Variants in GRIN1 observed in about 807,000 individuals in gnomAD.
GRIN1 encodes the protein glutamate ionotropic receptor NMDA type subunit 1, also known as glutamate receptor ionotropic, NMDA 1.
In GRIN1, 38 loss-of-function variants were observed where a neutral mutation model predicts 103.0. The ratio of observed to expected loss-of-function variants is 0.37; its 90% CI spans 0.28 to 0.48. GRIN1 has a LOEUF of 0.48. Among genes scored for constraint, GRIN1 ranks in the 20% least tolerant of loss-of-function variants. GRIN1 has a pLI of 0.98. For missense variants in GRIN1, 577 were observed against 1,288.9 expected (o/e 0.45, Z 8.46); for synonymous variants, 544 against 532.7 (o/e 1.02, Z -0.29).
chr9:137,153,746 A>G (rs4880217), intron 4 of GRIN1, among the ~76,000 whole-genome samples: 145,103 of 152,288 alleles, frequency 0.95, 69,197 homozygotes, highest in African/African-American at 0.98. Flanking sequence ...CTACATGCAC[A>G]CCATACCCCA....
At position 137,168,557 on chromosome 9, in the gene GRIN1, C is replaced by T. The variant is rs1351734324; in HGVS notation, c.*1030C>T. 2 of 272,326 alleles carry T rather than the reference C, an allele frequency of 7.3e-6. No individual in the cohort carries two copies. The highest frequency in any genetic ancestry group is 1.4e-5 in the Non-Finnish European group (2 of 146,898). The allele number at this position is 272,326 out of a possible 1,614,324, so 16.9% of individuals were successfully genotyped here. On this transcript the variant is annotated 3_prime_UTR_variant, in exon 20 of 20. Coordinates refer to ENST00000371561, the MANE Select transcript of GRIN1 (RefSeq NM_007327.4). ...TGGGCACGGGAGAGCGCCACCCGCC[C>T]GCCCCCGCCCTCGCTCCGGGTGCGT...
chr9:137,160,943 G>T, intron 8 of GRIN1, 113 bp from the exon 9 acceptor site: 1 of 1,343,570 alleles, frequency 7.4e-7, no homozygotes. Flanking sequence ...GGGGTGTGAG[G>T]GGTGCGTCGG....
intron 2 of GRIN1, among the ~76,000 whole-genome samples, chr9:137,144,382 C>T (rs28588536): frequency 0.13 from 18,802 of 149,722 alleles, 1,653 homozygotes; most frequent in African/African-American, 0.25. Flanking sequence ...TGGCCGGGCG[C>T]GGTGGCTCAC....
intron 4 of GRIN1, among the ~76,000 whole-genome samples, chr9:137,151,512 A>AGC (rs1832912227): frequency 6.7e-6 from 1 of 149,952 alleles, no homozygotes; most frequent in Non-Finnish European, 1.5e-5. Flanking sequence ...ACCCAGAGAA[A>AGC]TTCCCACTTA....
Position 137,146,220 on chromosome 9 carries a change from C to T in GRIN1, c.570+318C>T, listed in dbSNP as rs954839915. On this transcript the variant is annotated intron_variant, in intron 3 of 19. Transcript: ENST00000371561. The surrounding 1 kb of genome is among the most constrained non-coding windows in gnomAD (Gnocchi z 6.7). ...CCCCTCGCTCCCTGGAGGCCCCAGC[C>T]GGGCTTGGGACTCGTCACCCTTCCC... 1.6e-4 allele frequency among the ~76,000 whole-genome samples: 25 copies of T among 152,212 alleles called. No individual in the cohort carries two copies. Among genetic ancestry groups the T allele is most frequent in the Middle Eastern group, 3.4e-3 (1 of 294 alleles).
intron 8 of GRIN1, among the ~76,000 whole-genome samples, chr9:137,159,938 C>G (rs1833438921): frequency 6.6e-6 from 1 of 152,194 alleles, no homozygotes; most frequent in African/African-American, 2.4e-5. Flanking sequence ...TCTGCTCCAC[C>G]TGCCCTCAGG....
chr9:137,146,835 C>A lies in GRIN1; in HGVS notation c.570+933C>A, dbSNP rs1358030072. ...CGGACTTAGGGCCAACCTAGCACCC[C>A]CCAAGGCACCCCAGGCCCCGGGAGG... On this transcript the variant is annotated intron_variant, in intron 3 of 19. Transcript: ENST00000371561. This position sits in a 1 kb window ranked among gnomAD's most constrained non-coding sequence, Gnocchi z 6.7. 6.6e-6 allele frequency among the ~76,000 whole-genome samples: 1 copy of A among 152,148 alleles called. No individual in the cohort carries two copies. Among genetic ancestry groups the A allele is most frequent in the African/African-American group, 2.4e-5 (1 of 41,412 alleles).
chr9:137,162,536 G>T lies in GRIN1; in HGVS notation c.1864+20G>T. On this transcript the variant is annotated intron_variant, in intron 13 of 19. Coordinates refer to ENST00000371561, the MANE Select transcript of GRIN1 (RefSeq NM_007327.4). ...GGGAAGGTAAGGCCCCGCCCGGCCC[G>T]CCTGGTCCCGCCTCGGCCCTCTAGG... The T allele has an allele frequency of 3.1e-6, 5 of 1,610,182 alleles. No homozygotes were observed. The highest frequency in any genetic ancestry group is 4.2e-6 in the Non-Finnish European group (5 of 1,178,548).
At chr9:137,148,896 G>A (rs1832690532) in intron 3 of GRIN1, 113 bp from the exon 4 acceptor site, 5 of 774,580 alleles carry the variant, frequency 6.5e-6, no homozygotes, top group African/African-American at 1.7e-5. Context: ...GCAGACCATG[G>A]CAGCCCTAGC....
chr9:137,152,138 C>T (rs2131251524), intron 4 of GRIN1, among the ~76,000 whole-genome samples: 1 of 152,260 alleles, frequency 6.6e-6, no homozygotes, highest in South Asian at 2.1e-4. Flanking sequence ...AATCTTCTGG[C>T]CTCATGATCT....
At chr9:137,165,398 C>A in intron 19 of GRIN1, 102 bp downstream of exon 19, 2 of 776,500 alleles carry the variant, frequency 2.6e-6, no homozygotes, top group Non-Finnish European at 4.6e-6. Flanking sequence ...GCTCCTGTGG[C>A]CCACTCTGCC....
intron 3 of GRIN1, 85 bp downstream of exon 3, chr9:137,145,987 C>G: frequency 1.0e-6 from 1 of 996,548 alleles, no homozygotes; most frequent in Non-Finnish European, 1.5e-6. Context: ...GTGTGTGACA[C>G]CCTCTTCTTT....
At chr9:137,148,936 G>T in intron 3 of GRIN1, 73 bp from the exon 4 acceptor site, 1 of 1,128,290 alleles carries the variant, frequency 8.9e-7, no homozygotes, top group African/African-American at 1.5e-5. Context: ...CAGCGGCTCC[G>T]GCCCAACTCT....
At chr9:137,143,915 C>T (rs369629059) in intron 2 of GRIN1, among the ~76,000 whole-genome samples, 210 of 152,318 alleles carry the variant, frequency 1.4e-3, no homozygotes, top group East Asian at 3.3e-3. Context: ...GCTCCACTCC[C>T]GGCCATGCCA....
In GRIN1 at chr9:137,156,674, A is replaced by T; in HGVS notation, c.677A>T (p.Asp226Val). The change falls in exon 5 of 20, where the codon GAC becomes GTC. Residue 226 changes from aspartate (D) to valine (V), a missense_variant. Asp to Val is a radical substitution (Grantham distance 152). Around this residue, in one of 9 missense-constraint regions of GRIN1, gnomAD observed 308 missense variants for 553.6 expected, o/e 0.56. Coordinates refer to ENST00000371561, the MANE Select transcript of GRIN1 (RefSeq NM_007327.4). ...ARVIILSASE[D>V]DAATVYRAAA... Reference sequence around the variant, plus strand: ...CATCCCCGTCTGCCCCACAGCGAGGACGATGCTGCCACTGTATACCGCGCA... The same window carrying T: ...CATCCCCGTCTGCCCCACAGCGAGGTCGATGCTGCCACTGTATACCGCGCA... The T allele has an allele frequency of 6.2e-7, 1 of 1,600,612 alleles. No individual in the cohort carries two copies. Among genetic ancestry groups the T allele is most frequent in the Non-Finnish European group, 8.5e-7 (1 of 1,174,990 alleles).
Position 137,167,814 on chromosome 9 carries a change from C to G in GRIN1, c.*287C>G. 6.2e-7 allele frequency: 1 copy of G among 1,612,272 alleles called. No individual in the cohort carries two copies. Among genetic ancestry groups the G allele is most frequent in the Non-Finnish European group, 8.5e-7 (1 of 1,179,652 alleles). ...GATATCACGGGCCCGCTCAACCTCTCAGATCCCTCGGTCAGCACCGTGGTG... is the reference window on the plus strand; with the variant it reads ...GATATCACGGGCCCGCTCAACCTCTGAGATCCCTCGGTCAGCACCGTGGTG... On this transcript the variant is annotated 3_prime_UTR_variant, in exon 20 of 20. Coordinates refer to ENST00000371561, the MANE Select transcript of GRIN1 (RefSeq NM_007327.4).
chr9:137,167,275 G>C, intron 19 of GRIN1, 136 bp from the exon 20 acceptor site: 1 of 702,450 alleles, frequency 1.4e-6, no homozygotes, highest in Non-Finnish European at 2.6e-6. Context: ...GGGTAGGGTG[G>C]GGTCAGTCCG....
intron 1 of GRIN1, 115 bp from the exon 2 acceptor site, chr9:137,141,898 C>A: frequency 3.6e-6 from 4 of 1,096,838 alleles, no homozygotes; most frequent in Non-Finnish European, 5.6e-6. Flanking sequence ...CCGAATCATG[C>A]CCCCAGCCCC....
At chr9:137,166,088 C>T (rs1340236968) in intron 19 of GRIN1, among the ~76,000 whole-genome samples, 1 of 152,130 alleles carries the variant, frequency 6.6e-6, no homozygotes, top group African/African-American at 2.4e-5. Context: ...GTAGGGGCGG[C>T]CCCACAAGCC....
Sources: gnomAD v4.1 joint callset for allele counts (sites outside exome capture counted in the v4.1 genomes callset) on GRCh38, gnomAD v4.1.1 for gene constraint, gnomAD v4.1.1 regional missense constraint, Gnocchi (gnomAD v3.1) non-coding constraint, MANE v1.5 for transcripts, NCBI Gene and HGNC (gene_info 2026-07-23, HGNC 2026-07-21) for gene names.